The following OXR1 variants were observed in gnomAD, a reference collection of about 807,000 sequenced individuals.
OXR1 encodes oxidation resistance 1, also known as oxidation resistance protein 1.
Under a neutral mutation model 104.6 loss-of-function variants are expected in OXR1, and 41 were observed. That is an observed-to-expected ratio of 0.39 (90% CI 0.31 to 0.51). The LOEUF is 0.51. Ranked by LOEUF, OXR1 falls within the 20% of genes least tolerant of loss-of-function variation. The pLI is 0.77. For synonymous variants in OXR1, 348 were observed against 348.4 expected, an observed-to-expected ratio of 1.00 and a Z score of 0.01; for missense variants, 955 against 1,031.9, an observed-to-expected ratio of 0.93 and a Z score of 1.02.
chr8:106,689,789 A>G (rs1041588568), intron 6 of OXR1, among the ~76,000 whole-genome samples: 14 of 151,994 alleles, frequency 9.2e-5, no homozygotes, highest in Admixed American at 6.6e-5. Flanking sequence ...TGATAGTCAC[A>G]TAATTAATTG....
chr8:106,391,816 T>C (rs1327290684), intron 2 of OXR1, among the ~76,000 whole-genome samples: 6 of 152,048 alleles, frequency 3.9e-5, no homozygotes, highest in Non-Finnish European at 1.5e-5. Context: ...ACATTTAAAA[T>C]ATGGAAAATT....
intron 3 of OXR1, among the ~76,000 whole-genome samples, chr8:106,531,089 G>A (rs1049388124): frequency 5.9e-5 from 9 of 152,194 alleles, no homozygotes; most frequent in African/African-American, 1.9e-4. Flanking sequence ...ATCTTTTGAG[G>A]GAGAAAGCCC....
chr8:106,367,879 A>G (rs1816541148), intron 2 of OXR1, among the ~76,000 whole-genome samples: 1 of 152,116 alleles, frequency 6.6e-6, no homozygotes, highest in African/African-American at 2.4e-5. Flanking sequence ...AGGACAAAGA[A>G]CCTGAGACTG....
chr8:106,318,246 C>G (rs1055776276), intron 1 of OXR1, among the ~76,000 whole-genome samples: 2 of 152,186 alleles, frequency 1.3e-5, no homozygotes, highest in African/African-American at 4.8e-5. Flanking sequence ...CGATTTCTCT[C>G]TTGTTCCCTG....
intron 1 of OXR1, among the ~76,000 whole-genome samples, chr8:106,316,728 CT>C (rs369979734): frequency 0.082 from 7,843 of 95,180 alleles, 258 homozygotes; most frequent in Admixed American, 0.12. Context: ...ATCTATCTAT[CT>C]ATCTATCTAT....
At chr8:106,659,947 G>A (rs2131080182) in intron 3 of OXR1, among the ~76,000 whole-genome samples, 1 of 152,342 alleles carries the variant, frequency 6.6e-6, no homozygotes, top group African/African-American at 2.4e-5. Flanking sequence ...TTCTTTAATA[G>A]TCATGGTGCC....
At chr8:106,750,285 G>T (rs1319788929) in intron 16 of OXR1, among the ~76,000 whole-genome samples, 1 of 149,594 alleles carries the variant, frequency 6.7e-6, no homozygotes, top group Non-Finnish European at 1.5e-5. Context: ...ACTGTTCCTG[G>T]TCTGTATCAT....
At chr8:106,657,678 C>G (rs570601057) in intron 3 of OXR1, 1 of 271,936 alleles carries the variant, frequency 3.7e-6, no homozygotes, top group East Asian at 9.1e-5. Flanking sequence ...TTTCTGACCC[C>G]GCATCGGTTC....
At chr8:106,666,706 G>C (rs1005643032) in intron 3 of OXR1, among the ~76,000 whole-genome samples, 2 of 152,198 alleles carry the variant, frequency 1.3e-5, no homozygotes, top group African/African-American at 4.8e-5. Context: ...TCTTGCTGAA[G>C]GCAGGCCAGA....
chr8:106,366,460 A>G (rs1816472751), intron 2 of OXR1, among the ~76,000 whole-genome samples: 1 of 152,240 alleles, frequency 6.6e-6, no homozygotes, highest in Non-Finnish European at 1.5e-5. Flanking sequence ...TTATCAAAAT[A>G]GTTATGTAGG....
chr8:106,515,676 A>G (rs901186130), intron 2 of OXR1, among the ~76,000 whole-genome samples: 2 of 151,880 alleles, frequency 1.3e-5, no homozygotes, highest in African/African-American at 4.8e-5. Context: ...TGCTTTTTTT[A>G]TTATTAATCT....
intron 3 of OXR1, among the ~76,000 whole-genome samples, chr8:106,528,497 A>G (rs992979082): frequency 1.3e-5 from 2 of 152,196 alleles, no homozygotes; most frequent in African/African-American, 4.8e-5. Flanking sequence ...GAGCCTATGG[A>G]ATTAGGGGTT....
intron 2 of OXR1, among the ~76,000 whole-genome samples, chr8:106,368,319 A>G (rs1816564282): frequency 6.6e-6 from 1 of 152,214 alleles, no homozygotes; most frequent in African/African-American, 2.4e-5. Context: ...CCAGTTTCTC[A>G]TTATTATACA....
chr8:106,545,451 A>G (rs779221731), intron 3 of OXR1, among the ~76,000 whole-genome samples: 2 of 152,260 alleles, frequency 1.3e-5, no homozygotes, highest in Non-Finnish European at 2.9e-5. Flanking sequence ...AGAAAAAACT[A>G]TAAAGAACAC....
At chr8:106,379,187 A>G (rs1417603282) in intron 2 of OXR1, among the ~76,000 whole-genome samples, 1 of 152,206 alleles carries the variant, frequency 6.6e-6, no homozygotes, top group African/African-American at 2.4e-5. Context: ...CTGGGATGGC[A>G]TTCAGCAATC....
At chr8:106,460,618 T>C (rs1364395435) in intron 2 of OXR1, among the ~76,000 whole-genome samples, 1 of 152,214 alleles carries the variant, frequency 6.6e-6, no homozygotes, top group Non-Finnish European at 1.5e-5. Context: ...TGAAACAATT[T>C]GTAGAATATT....
chr8:106,448,018 C>G (rs766654952), intron 2 of OXR1: 51 of 1,535,680 alleles, frequency 3.3e-5, no homozygotes, highest in Middle Eastern at 1.7e-4. Context: ...CCTGCCTGCA[C>G]AGAAATGACG....
At chr8:106,534,986 G>A (rs191896155) in intron 3 of OXR1, among the ~76,000 whole-genome samples, 2,665 of 151,652 alleles carry the variant, frequency 0.018, 44 homozygotes, top group Non-Finnish European at 0.024. Flanking sequence ...TTTTTGAGAC[G>A]GAGTCTCGCT....
chr8:106,352,277 G>A (rs1001759311), intron 1 of OXR1, among the ~76,000 whole-genome samples: 7 of 152,194 alleles, frequency 4.6e-5, no homozygotes, highest in Non-Finnish European at 7.4e-5. Flanking sequence ...TGGCTTGGAC[G>A]ATGAGTATAT....
Sources: allele counts gnomAD v4.1 joint callset (sites outside exome capture counted in the v4.1 genomes callset), GRCh38; gene constraint gnomAD v4.1.1; transcripts MANE v1.5; gene names NCBI Gene and HGNC (gene_info 2026-07-23, HGNC 2026-07-21).